CES3: variants seen among roughly 807,000 people sequenced by gnomAD.
CES3 encodes the protein carboxylesterase 3.
Under a neutral mutation model 57.6 loss-of-function variants are expected in CES3, and 49 were observed. The ratio of observed to expected loss-of-function variants is 0.85; its 90% CI spans 0.68 to 1.08. The LOEUF (loss-of-function observed/expected upper bound fraction) is 1.08, where lower values mean the gene tolerates loss of function less well. CES3 is among the 50% of genes least tolerant of loss of function. The pLI is 0.00. For missense variants in CES3, 645 were observed against 742.0 expected, an observed-to-expected ratio of 0.87 and a Z score of 1.52; for synonymous variants, 266 against 281.6, an observed-to-expected ratio of 0.94 and a Z score of 0.55.
chr16:66,972,338 C>T lies in CES3; in HGVS notation c.1292-18C>T. 1 of 1,570,652 alleles carries T rather than the reference C, an allele frequency of 6.4e-7. No homozygotes were observed. The highest frequency in any genetic ancestry group is 8.6e-7 in the Non-Finnish European group (1 of 1,157,184). On this transcript the variant is annotated intron_variant, in intron 10 of 12. Coordinates refer to ENST00000303334, the MANE Select transcript of CES3 (RefSeq NM_024922.6). The stretch of plus-strand genomic sequence containing the variant: ...CAGGCCATGAGTGCCTAACTCCCAT[C>T]CCATCCTTTCTCTGTAGATTCTGGA...
rs200322948 is a variant in CES3, at chr16:66,972,398, C to A, written c.1334C>A (p.Pro445His). The A allele has an allele frequency of 1.9e-6, 3 of 1,613,058 alleles. No individual in the cohort carries two copies. Among genetic ancestry groups the A allele is most frequent in the East Asian group, 2.2e-5 (1 of 44,858 alleles). ...PVFFYEFQHR[P>H]SSFAKIKPAW... ...TTTTTCTATGAGTTCCAGCATCGAC[C>A]CAGTTCTTTTGCGAAGATCAAACCT... Residue 445 changes from proline to histidine, a missense_variant, in exon 11 of 13, where the codon CCC becomes CAC. Transcript: ENST00000303334.
chr16:66,964,045 C>T, intron 4 of CES3, 110 bp downstream of exon 4: 1 of 1,482,450 alleles, frequency 6.7e-7, no homozygotes, highest in Non-Finnish European at 9.2e-7. Flanking sequence ...GGGCCCCTTA[C>T]CCATGATGTC....
intron 10 of CES3, among the ~76,000 whole-genome samples, chr16:66,972,009 C>T (rs1963841467): frequency 1.3e-5 from 2 of 152,200 alleles, no homozygotes; most frequent in East Asian, 1.9e-4. Context: ...TGGTGGTACA[C>T]ACCTGTAGTC....
At position 66,963,199 on chromosome 16, in the gene CES3, G is replaced by T; in HGVS notation, c.103G>T (p.Glu35Ter). ...CTCAGGGCCCGAAGTTGCTCAGCCT[G>T]AAGTAGACACCACCCTGGGTCGTGT... is the stretch of plus-strand genomic sequence containing the variant. ...TATGPEVAQP[E>*]VDTTLGRVRG... The change falls in exon 2 of 13, where the codon GAA (glutamate) becomes TAA (stop). Residue 35 changes from glutamate (E) to a stop codon, truncating the protein, a stop_gained. Coordinates refer to ENST00000303334, the MANE Select transcript of CES3 (RefSeq NM_024922.6). LOFTEE classifies it high-confidence loss of function. This position sits in a 1 kb window ranked among gnomAD's most constrained non-coding sequence, Gnocchi z 4.9. The T allele has an allele frequency of 6.2e-7, 1 of 1,614,270 alleles. No homozygotes were observed. The highest frequency in any genetic ancestry group is 8.5e-7 in the Non-Finnish European group (1 of 1,180,050).
chr16:66,974,813 C>T lies in CES3; in HGVS notation c.*1764C>T, dbSNP rs1438147973. The T allele has an allele frequency of 6.6e-6, 1 of 152,368 alleles. No homozygotes were observed. Among genetic ancestry groups the T allele is most frequent in the Non-Finnish European group, 1.5e-5 (1 of 68,192 alleles). The allele number at this position is 152,368 out of a possible 1,614,324, so 9.4% of individuals were successfully genotyped here. ...ACCAATCAGCACCCTGTGTCTAGCT[C>T]AGTGTTTGTGAATGCACCAATCCAC... On this transcript the variant is annotated 3_prime_UTR_variant, in exon 13 of 13. Transcript: ENST00000303334.
intron 8 of CES3, among the ~76,000 whole-genome samples, chr16:66,967,196 C>T (rs888867214): frequency 1.3e-5 from 2 of 152,136 alleles, no homozygotes; most frequent in African/African-American, 4.8e-5. Flanking sequence ...GTTTCTCCTG[C>T]CTCAGCCTCC....
chr16:66,972,403 TC>T lies in CES3; in HGVS notation c.1340del (p.Ser447PhefsTer10). The T allele has an allele frequency of 6.2e-7, 1 of 1,613,282 alleles. No homozygotes were observed. Among genetic ancestry groups the T allele is most frequent in the South Asian group, 1.1e-5 (1 of 90,964 alleles). ...FFYEFQHRPS[S>X]FAKIKPAWVK... ...CTATGAGTTCCAGCATCGACCCAGT[TC>T]TTTTGCGAAGATCAAACCTGCCTGG... On this transcript the variant is annotated frameshift_variant, in exon 11 of 13. Coordinates refer to ENST00000303334, the MANE Select transcript of CES3 (RefSeq NM_024922.6). LOFTEE classifies it high-confidence loss of function.
chr16:66,966,150 G>C, intron 6 of CES3, 94 bp from the exon 7 acceptor site: 2 of 1,107,340 alleles, frequency 1.8e-6, no homozygotes, highest in Admixed American at 3.8e-5. Context: ...ACATCCAGCT[G>C]TCCTACAGAT....
chr16:66,966,581 G>C (rs1963735386), intron 7 of CES3, 144 bp from the exon 8 acceptor site: 5 of 1,090,434 alleles, frequency 4.6e-6, no homozygotes, highest in Non-Finnish European at 6.6e-6. Flanking sequence ...TGGTTCCCCC[G>C]ACCCCCTTAA....
intron 1 of CES3, 63 bp downstream of exon 1, chr16:66,961,452 G>T: frequency 7.1e-7 from 1 of 1,399,540 alleles, no homozygotes; most frequent in East Asian, 2.4e-5. Flanking sequence ...GTGAGACAGG[G>T]ACAGGGAGCA....
chr16:66,971,330 C>T lies in CES3; in HGVS notation c.1291+11C>T, dbSNP rs770277752. ...CAAGATACCTTCGAGGTAAGCCTGT[C>T]CCTGGCCACCTGCCCAACCCCTCCC... On this transcript the variant is annotated intron_variant, in intron 10 of 12. Transcript: ENST00000303334. 6.2e-7 allele frequency: 1 copy of T among 1,609,812 alleles called. No homozygotes were observed. Among genetic ancestry groups the T allele is most frequent in the South Asian group, 1.1e-5 (1 of 90,518 alleles).
At position 66,963,921 on chromosome 16, in the gene CES3, C is replaced by T. The variant is rs756616724; in HGVS notation, c.546C>T (p.Val182=). The part of the protein sequence containing the change: ...VVVTVQYRLG[V]LGFFSTGDEH... ...TTACAGTCCAGTACCGCCTTGGGGT[C>T]CTTGGCTTCTTCAGGTGAGACGACA... Residue 182 remains valine, a synonymous_variant, in exon 4 of 13, where the codon GTC becomes GTT. Coordinates refer to ENST00000303334, the MANE Select transcript of CES3 (RefSeq NM_024922.6). The surrounding 1 kb of genome is among the most constrained non-coding windows in gnomAD (Gnocchi z 4.9). 1.9e-6 allele frequency: 3 copies of T among 1,612,970 alleles called. No individual in the cohort carries two copies. In the South Asian group the frequency reaches 3.3e-5, roughly 18 times the overall value.
rs754948795 is a variant in CES3 at position 66,971,284 on chromosome 16, A to G, written c.1256A>G (p.Asn419Ser). 3.7e-6 allele frequency: 6 copies of G among 1,614,060 alleles called. No individual in the cohort carries two copies. The South Asian group carries it at 4.4e-5, about 12-fold the overall frequency. Reference protein sequence around the residue: ...FQEFMGDVFINVPTVSFSRYL... With the variant: ...FQEFMGDVFISVPTVSFSRYL... ...GAATTCATGGGTGACGTATTCATCA[A>G]TGTTCCCACCGTCAGTTTTTCAAGA... Residue 419 changes from asparagine (N) to serine (S), a missense_variant, in exon 10 of 13, where the codon AAT becomes AGT. Asn to Ser is a conservative substitution (Grantham distance 46). Transcript: ENST00000303334.
At position 66,966,864 on chromosome 16, in the gene CES3, G is replaced by C; in HGVS notation, c.1061G>C (p.Arg354Thr). 6.2e-7 allele frequency: 1 copy of C among 1,613,934 alleles called. No homozygotes were observed. Among genetic ancestry groups the C allele is most frequent in the Non-Finnish European group, 8.5e-7 (1 of 1,179,994 alleles). Residue 354 changes from arginine to threonine, a missense_variant and splice_region_variant, in exon 8 of 13, where the codon AGG becomes ACG. Coordinates refer to ENST00000303334, the MANE Select transcript of CES3 (RefSeq NM_024922.6). The stretch of plus-strand genomic sequence containing the variant: ...CATGAGTTCAGCTGGCTCATCCCCA[G>C]GGTGAGTTGCTCCCACCCCTGTGCC... The part of the protein sequence containing the change: ...NNHEFSWLIP[R>T]GWGLLDTMEQ...
chr16:66,964,971 G>A (rs1963709710), intron 6 of CES3, among the ~76,000 whole-genome samples: 2 of 152,186 alleles, frequency 1.3e-5, no homozygotes, highest in South Asian at 2.1e-4. Context: ...CTCCAGGGTG[G>A]GGTCTTCAGG....
intron 10 of CES3, among the ~76,000 whole-genome samples, chr16:66,972,016 A>G (rs1276946596): frequency 1.3e-5 from 2 of 152,160 alleles, no homozygotes; most frequent in Non-Finnish European, 2.9e-5. Flanking sequence ...ACACACCTGT[A>G]GTCCCAGATA....
intron 10 of CES3, 61 bp downstream of exon 10, chr16:66,971,380 CACAGGTG>C: frequency 6.4e-7 from 1 of 1,555,708 alleles, no homozygotes; most frequent in South Asian, 1.2e-5. Context: ...GCTGGGTCAT[CACAGGTG>C]ACATGGCATG....
intron 1 of CES3, 29 bp downstream of exon 1, chr16:66,961,418 G>A: frequency 6.3e-7 from 1 of 1,579,696 alleles, no homozygotes; most frequent in Non-Finnish European, 8.7e-7. Context: ...GCCTGCAGAG[G>A]TACTTGGTGT....
At position 66,972,458 on chromosome 16, in the gene CES3, C is replaced by A; in HGVS notation, c.1394C>A (p.Ala465Asp). ...AAGGCTGATCATGGGGCCGAGGGTG[C>A]TTTTGTGTTCGGAGGTCCCTTCCTC... ...WVKADHGAEG[A>D]FVFGGPFLMD... is the part of the protein sequence containing the mutation. The change falls in exon 11 of 13, where the codon GCT (alanine) becomes GAT (aspartate). Residue 465 changes from alanine (A) to aspartate (D), a missense_variant. Coordinates refer to ENST00000303334, the MANE Select transcript of CES3 (RefSeq NM_024922.6). 6.8e-6 allele frequency: 11 copies of A among 1,614,024 alleles called. No homozygotes were observed. Among genetic ancestry groups the A allele is most frequent in the Non-Finnish European group, 8.5e-6 (10 of 1,179,994 alleles).
Sources: allele counts gnomAD v4.1 joint callset (sites outside exome capture counted in the v4.1 genomes callset), GRCh38; gene constraint gnomAD v4.1.1; non-coding constraint Gnocchi (gnomAD v3.1); transcripts MANE v1.5; gene names NCBI Gene and HGNC (gene_info 2026-07-23, HGNC 2026-07-21).